ATXN10: variants seen among roughly 807,000 people sequenced by gnomAD.
ATXN10 encodes the protein ataxin 10.
In ATXN10, 28 loss-of-function variants were observed where a neutral mutation model predicts 52.9. That is an observed-to-expected ratio of 0.53 (90% CI 0.39 to 0.73). The LOEUF (loss-of-function observed/expected upper bound fraction) is 0.73. ATXN10 is among the 30% of genes least tolerant of loss of function. ATXN10 has a pLI of 0.00. For missense variants in ATXN10, 565 were observed against 577.0 expected, an observed-to-expected ratio of 0.98 and a Z score of 0.21; for synonymous variants, 226 against 221.5, an observed-to-expected ratio of 1.02 and a Z score of -0.18.
At chr22:45,738,080 T>C (rs1404007304) in intron 7 of ATXN10, among the ~76,000 whole-genome samples, 4 of 152,240 alleles carry the variant, frequency 2.6e-5, no homozygotes, top group Non-Finnish European at 5.9e-5. Flanking sequence ...TTAAAATTTT[T>C]GTATAGACTA....
Position 45,759,053 on chromosome 22 carries a change from C to A in ATXN10, c.1173+18515C>A, listed in dbSNP as rs5765607. Among the ~76,000 whole-genome samples, 86,640 of 152,062 alleles carry A rather than the reference C, an allele frequency of 0.57. 25,985 individuals are homozygous for A. Among genetic ancestry groups the A allele is most frequent in the East Asian group, 0.74 (3,811 of 5,168 alleles). On this transcript the variant is annotated intron_variant, in intron 9 of 11. Coordinates refer to ENST00000252934, the MANE Select transcript of ATXN10 (RefSeq NM_013236.4). This position sits in a 1 kb window ranked among gnomAD's most constrained non-coding sequence, Gnocchi z 5.4. ...ATTCTTATTTAAAGGCAGTATATCT[C>A]ATATCTTTAAAGATAACTTTAGAAA...
intron 1 of ATXN10, among the ~76,000 whole-genome samples, chr22:45,685,569 A>G (rs1299389824): frequency 6.6e-6 from 1 of 152,226 alleles, no homozygotes. Flanking sequence ...TAATCATTAC[A>G]CATATTTAGC....
chr22:45,678,841 CTA>C lies in ATXN10; in HGVS notation c.116+6664_116+6665del, dbSNP rs926329640. 1 of 152,204 alleles carries C rather than the reference CTA, an allele frequency of 6.6e-6. No individual in the cohort carries two copies. Among genetic ancestry groups the C allele is most frequent in the African/African-American group, 2.4e-5 (1 of 41,446 alleles). The allele number at this position is 152,204 out of a possible 1,614,324, so 9.4% of individuals were successfully genotyped here. On this transcript the variant is annotated intron_variant, in intron 1 of 11. Transcript: ENST00000252934. This position sits in a 1 kb window ranked among gnomAD's most constrained non-coding sequence, Gnocchi z 4.1. The stretch of plus-strand genomic sequence containing the variant: ...GCTGTGATTGATAGGATAAAATTAA[CTA>C]TGTGTAGCTTACTTTGAACTACTGA...
At chr22:45,673,505 C>G (rs1922557100) in intron 1 of ATXN10, 1 of 152,144 alleles carries the variant, frequency 6.6e-6, no homozygotes, top group African/African-American at 2.4e-5. Context: ...TGATTTAATG[C>G]TTAGGCATTT....
chr22:45,684,035 T>G lies in ATXN10; in HGVS notation c.117-5677T>G, dbSNP rs143056189. Among the ~76,000 whole-genome samples the G allele has an allele frequency of 7.8e-3, 1,181 of 152,270 alleles. 13 individuals carry two copies. The highest frequency in any genetic ancestry group is 0.027 in the African/African-American group (1,123 of 41,548). ...GTTGTGATCATAGCTCACCATAGCC[T>G]TGAACTCCTGGGTTCAAGCAGTCCT... On this transcript the variant is annotated intron_variant, in intron 1 of 11. Coordinates refer to ENST00000252934, the MANE Select transcript of ATXN10 (RefSeq NM_013236.4). The surrounding 1 kb of genome is among the most constrained non-coding windows in gnomAD (Gnocchi z 4.1).
At chr22:45,742,072 A>G (rs1281481695) in intron 9 of ATXN10, among the ~76,000 whole-genome samples, 1 of 152,166 alleles carries the variant, frequency 6.6e-6, no homozygotes, top group Non-Finnish European at 1.5e-5. Context: ...CGTGTGGGGC[A>G]GGCTCCAGGC....
rs547484215 is a variant in ATXN10, at chr22:45,761,783, C to A, written c.1173+21245C>A. ...AAAGTTGGTTACTTTTCTAAATGGGCCTTTAATTAAAATTTTAAAAAATTA... is the reference window on the plus strand; with the variant it reads ...AAAGTTGGTTACTTTTCTAAATGGGACTTTAATTAAAATTTTAAAAAATTA... On this transcript the variant is annotated intron_variant, in intron 9 of 11. Coordinates refer to ENST00000252934, the MANE Select transcript of ATXN10 (RefSeq NM_013236.4). Among the ~76,000 whole-genome samples, 5 of 152,136 alleles carry A rather than the reference C, an allele frequency of 3.3e-5. No individual in the cohort carries two copies. In the East Asian group the frequency reaches 9.6e-4, roughly 29 times the overall value.
Position 45,790,290 on chromosome 22 carries a change from C to A in ATXN10, c.1174-16669C>A, listed in dbSNP as rs1927462494. ...CTTGCCGGAATGTGTGTGGTTCTTTCAGGAACACCCAATACCAAACCTCTG... is the reference window on the plus strand; with the variant it reads ...CTTGCCGGAATGTGTGTGGTTCTTTAAGGAACACCCAATACCAAACCTCTG... On this transcript the variant is annotated intron_variant, in intron 9 of 11. Transcript: ENST00000252934. This position sits in a 1 kb window ranked among gnomAD's most constrained non-coding sequence, Gnocchi z 4.7. 6.6e-6 allele frequency among the ~76,000 whole-genome samples: 1 copy of A among 152,100 alleles called. No homozygotes were observed. The highest frequency in any genetic ancestry group is 2.4e-5 in the African/African-American group (1 of 41,410).
intron 6 of ATXN10, among the ~76,000 whole-genome samples, chr22:45,723,791 A>T (rs1046120020): frequency 6.6e-6 from 1 of 152,134 alleles, no homozygotes; most frequent in Admixed American, 6.5e-5. Context: ...CCCCGTCTCT[A>T]CTAAAAATAC....
At chr22:45,813,805 C>T (rs1359917069) in intron 10 of ATXN10, among the ~76,000 whole-genome samples, 1 of 152,138 alleles carries the variant, frequency 6.6e-6, no homozygotes, top group Non-Finnish European at 1.5e-5. Context: ...TACAAATATC[C>T]TATGTAGCTA....
In ATXN10 at chr22:45,790,420, A is replaced by T. The variant is rs1284364286; in HGVS notation, c.1174-16539A>T. Among the ~76,000 whole-genome samples the T allele has an allele frequency of 1.3e-5, 2 of 152,304 alleles. No homozygotes were observed. Among genetic ancestry groups the T allele is most frequent in the African/African-American group, 4.8e-5 (2 of 41,576 alleles). On this transcript the variant is annotated intron_variant, in intron 9 of 11. Transcript: ENST00000252934. The surrounding 1 kb of genome is among the most constrained non-coding windows in gnomAD (Gnocchi z 4.7). ...TACACCAGAGTTAGAAAACAAGCCA[A>T]TTCCTGGTCTTCTAATAGTTACCCC...
In ATXN10 at chr22:45,790,465, G is replaced by C. The variant is rs541538366; in HGVS notation, c.1174-16494G>C. Among the ~76,000 whole-genome samples, 23 of 152,322 alleles carry C rather than the reference G, an allele frequency of 1.5e-4. No homozygotes were observed. In the South Asian group the frequency reaches 4.8e-3, roughly 32 times the overall value. On this transcript the variant is annotated intron_variant, in intron 9 of 11. Coordinates refer to ENST00000252934, the MANE Select transcript of ATXN10 (RefSeq NM_013236.4). This position sits in a 1 kb window ranked among gnomAD's most constrained non-coding sequence, Gnocchi z 4.7. ...TACCCCAAGCAAAAGTATGTCTCCAGAAACCAATACTTCTTACTTGTTGCC... is the reference window on the plus strand; with the variant it reads ...TACCCCAAGCAAAAGTATGTCTCCACAAACCAATACTTCTTACTTGTTGCC...
chr22:45,692,681 A>G (rs187552857), intron 2 of ATXN10, among the ~76,000 whole-genome samples: 3 of 152,318 alleles, frequency 2.0e-5, no homozygotes, highest in Admixed American at 2.0e-4. Flanking sequence ...CATCTTTTGC[A>G]CTTTGTGTGG....
chr22:45,679,096 C>G (rs563444281), intron 1 of ATXN10: 54 of 152,226 alleles, frequency 3.5e-4, no homozygotes, highest in African/African-American at 1.2e-3. Flanking sequence ...TGCTTTTGCC[C>G]TGTATTCCCT....
At position 45,683,260 on chromosome 22, in the gene ATXN10, A is replaced by C. The variant is rs1601586458; in HGVS notation, c.117-6452A>C. 1.3e-5 allele frequency among the ~76,000 whole-genome samples: 2 copies of C among 152,206 alleles called. No homozygotes were observed. Among genetic ancestry groups the C allele is most frequent in the African/African-American group, 4.8e-5 (2 of 41,452 alleles). On this transcript the variant is annotated intron_variant, in intron 1 of 11. Coordinates refer to ENST00000252934, the MANE Select transcript of ATXN10 (RefSeq NM_013236.4). This position sits in a 1 kb window ranked among gnomAD's most constrained non-coding sequence, Gnocchi z 4.8. ...CTTGAACTTGGGAGGCGGGGGTTGC[A>C]GTGAGCTGAGATCCTGCCTCTGCAC...
At chr22:45,723,805 A>C (rs941549484) in intron 6 of ATXN10, among the ~76,000 whole-genome samples, 10 of 151,988 alleles carry the variant, frequency 6.6e-5, no homozygotes, top group Admixed American at 2.6e-4. Flanking sequence ...AAAATACAAA[A>C]ATTAGCCAGG....
intron 3 of ATXN10, among the ~76,000 whole-genome samples, chr22:45,697,865 T>C (rs1036330684): frequency 1.3e-5 from 2 of 151,228 alleles, no homozygotes; most frequent in Non-Finnish European, 3.0e-5. Context: ...CTCCTGACCT[T>C]GTGATCCGCC....
At chr22:45,811,943 A>G (rs1397245086) in intron 10 of ATXN10, 2 of 372,802 alleles carry the variant, frequency 5.4e-6, no homozygotes, top group Non-Finnish European at 1.1e-5. Flanking sequence ...TCCTCAGAAT[A>G]AGCCTAGTCT....
intron 10 of ATXN10, among the ~76,000 whole-genome samples, chr22:45,815,807 C>T (rs1928439660): frequency 6.6e-6 from 1 of 152,210 alleles, no homozygotes; most frequent in African/African-American, 2.4e-5. Context: ...GTTTAAACTC[C>T]ACACAGGTCC....
Sources: allele counts gnomAD v4.1 joint callset (sites outside exome capture counted in the v4.1 genomes callset), GRCh38; gene constraint gnomAD v4.1.1; non-coding constraint Gnocchi (gnomAD v3.1); transcripts MANE v1.5; gene names NCBI Gene and HGNC (gene_info 2026-07-23, HGNC 2026-07-21).